RYR2: variants seen among roughly 807,000 people sequenced by gnomAD.
RYR2 encodes cardiac muscle ryanodine receptor-calcium release channel.
In RYR2, 227 loss-of-function variants were observed where a neutral mutation model predicts 601.1. The observed-to-expected ratio is 0.38, with a 90% CI of 0.34 to 0.42. The LOEUF (loss-of-function observed/expected upper bound fraction) is 0.42, where lower values mean the gene tolerates loss of function less well. RYR2 is among the 10% of genes least tolerant of loss of function. RYR2 has a pLI of 1.00. For missense variants in RYR2, 4,646 were observed against 6,156.5 expected (o/e 0.75, Z 8.21); for synonymous variants, 2,223 against 2,175.1 (o/e 1.02, Z -0.61).
intron 1 of RYR2, among the ~76,000 whole-genome samples, chr1:237,188,732 AT>A (rs1282925048): frequency 6.6e-6 from 1 of 151,998 alleles, no homozygotes; most frequent in African/African-American, 2.4e-5. Flanking sequence ...CACTAGGCTA[AT>A]TTTTGTATTT....
intron 73 of RYR2, among the ~76,000 whole-genome samples, chr1:237,720,687 G>A (rs1490355552): frequency 6.6e-6 from 1 of 152,110 alleles, no homozygotes; most frequent in African/African-American, 2.4e-5. Context: ...GGATCCCCAG[G>A]GGACCCTAGA....
At chr1:237,783,319 T>C (rs1428610761) in intron 89 of RYR2, among the ~76,000 whole-genome samples, 2 of 151,758 alleles carry the variant, frequency 1.3e-5, no homozygotes, top group African/African-American at 4.9e-5. Flanking sequence ...TTTTCAACTC[T>C]AAAGGGCTGA....
chr1:237,654,252 T>C (rs1444413531), intron 51 of RYR2, 22 bp from the exon 52 acceptor site: 1 of 1,611,214 alleles, frequency 6.2e-7, no homozygotes, highest in East Asian at 2.2e-5. Context: ...CTCATTGCTT[T>C]TATAATTGTT....
chr1:237,831,999 C>T (rs4659503), intron 104 of RYR2, among the ~76,000 whole-genome samples: 86,298 of 151,740 alleles, frequency 0.57, 25,338 homozygotes, highest in African/African-American at 0.71. Flanking sequence ...TTGAAGGATA[C>T]GATATTTTAA....
In RYR2 at chr1:237,832,683, A is replaced by AC. The variant is rs1283538116; in HGVS notation, c.*40dup. 1.6e-6 allele frequency: 2 copies of AC among 1,234,304 alleles called. 1 individual carries two copies. Among genetic ancestry groups the AC allele is most frequent in the South Asian group, 2.5e-5 (2 of 79,356 alleles). The allele number at this position is 1,234,304 out of a possible 1,614,324, so 76.5% of individuals were successfully genotyped here. On this transcript the variant is annotated 3_prime_UTR_variant, in exon 105 of 105. Coordinates refer to ENST00000366574, the MANE Select transcript of RYR2 (RefSeq NM_001035.3). The stretch of plus-strand genomic sequence containing the variant: ...AATCACCTCTAAAAACCAAAACCCT[A>AC]CCCCTCTCTCTCCCTCTCTCAATTT...
At position 237,177,589 on chromosome 1, in the gene RYR2, A is replaced by G. The variant is rs192159086; in HGVS notation, c.49-92908A>G. ...CAACCTGCTATTTTCACTTAGCATTACATTTCTAAAATTGATCCACATTGA... is the reference window on the plus strand; with the variant it reads ...CAACCTGCTATTTTCACTTAGCATTGCATTTCTAAAATTGATCCACATTGA... On this transcript the variant is annotated intron_variant, in intron 1 of 104. Transcript: ENST00000366574. Among the ~76,000 whole-genome samples, 140 of 152,336 alleles carry G rather than the reference A, an allele frequency of 9.2e-4. 2 individuals are homozygous for G. The highest frequency in any genetic ancestry group is 5.5e-3 in the Admixed American group (84 of 15,300).
rs551060321 is a variant in RYR2 at position 237,303,388 on chromosome 1, C to A, written c.169-27490C>A. On this transcript the variant is annotated intron_variant, in intron 2 of 104. Coordinates refer to ENST00000366574, the MANE Select transcript of RYR2 (RefSeq NM_001035.3). ...AATGTCAGCTCACTGCAACCTCTGC[C>A]TCTCGGGTTCAAGTGATTCTCCTGC... 1.8e-3 allele frequency among the ~76,000 whole-genome samples: 264 copies of A among 147,570 alleles called. 1 individual carries two copies. The highest frequency in any genetic ancestry group is 6.4e-3 in the African/African-American group (249 of 38,938).
At chr1:237,416,763 C>CAGAG (rs60010171) in intron 10 of RYR2, among the ~76,000 whole-genome samples, 136 of 147,402 alleles carry the variant, frequency 9.2e-4, no homozygotes, top group Non-Finnish European at 1.7e-3. Flanking sequence ...CACACACACA[C>CAGAG]AGAGAGAGAG....
intron 2 of RYR2, among the ~76,000 whole-genome samples, chr1:237,293,979 G>A (rs903274285): frequency 1.3e-5 from 2 of 152,082 alleles, no homozygotes; most frequent in Non-Finnish European, 2.9e-5. Flanking sequence ...CAGTTGCATT[G>A]TTGCTTCCCC....
At chr1:237,640,041 A>G (rs1296744483) in intron 46 of RYR2, among the ~76,000 whole-genome samples, 1 of 152,080 alleles carries the variant, frequency 6.6e-6, no homozygotes, top group Non-Finnish European at 1.5e-5. Context: ...ACCATGCTAC[A>G]TGCTTATCAG....
chr1:237,675,975 C>A (rs1426074662), intron 60 of RYR2, among the ~76,000 whole-genome samples: 1 of 152,128 alleles, frequency 6.6e-6, no homozygotes, highest in African/African-American at 2.4e-5. Flanking sequence ...ATATAACTAA[C>A]AATTTTTAAA....
intron 2 of RYR2, among the ~76,000 whole-genome samples, chr1:237,276,018 A>T (rs1247394606): frequency 6.6e-6 from 1 of 152,254 alleles, no homozygotes; most frequent in African/African-American, 2.4e-5. Flanking sequence ...GATAATGAAC[A>T]TGTGATGTTT....
In RYR2 at chr1:237,540,913, A is replaced by G. The variant is rs3925522; in HGVS notation, c.2907-7518A>G. On this transcript the variant is annotated intron_variant, in intron 25 of 104. Coordinates refer to ENST00000366574, the MANE Select transcript of RYR2 (RefSeq NM_001035.3). ...ATATGGTTGATGCATGTGTGTGTGT[A>G]TATATATATATATATATGTATGCAC... Among the ~76,000 whole-genome samples the G allele has an allele frequency of 1.9e-3, 115 of 59,510 alleles. 1 individual carries two copies. The South Asian group carries it at 0.022, about 12-fold the overall frequency. The allele number at this position is 59,510 out of a possible 152,430, so 39.0% of individuals were successfully genotyped here.
intron 25 of RYR2, among the ~76,000 whole-genome samples, chr1:237,530,866 T>C (rs1374385182): frequency 6.6e-6 from 1 of 151,048 alleles, no homozygotes; most frequent in East Asian, 2.0e-4. Flanking sequence ...GTCAAGATCG[T>C]GCCACTGCAC....
chr1:237,061,329 ATC>A (rs1180108060), intron 1 of RYR2, among the ~76,000 whole-genome samples: 71 of 150,154 alleles, frequency 4.7e-4, no homozygotes, highest in African/African-American at 1.6e-3. Context: ...CTATCTAATC[ATC>A]TCTCTAGACA....
intron 17 of RYR2, among the ~76,000 whole-genome samples, chr1:237,479,739 G>C (rs144927685): frequency 6.6e-6 from 1 of 152,298 alleles, no homozygotes; most frequent in Non-Finnish European, 1.5e-5. Context: ...TAATGACTGC[G>C]TAGTTTTTAA....
At chr1:237,515,467 G>A (rs921148817) in intron 24 of RYR2, among the ~76,000 whole-genome samples, 1 of 152,270 alleles carries the variant, frequency 6.6e-6, no homozygotes, top group Middle Eastern at 3.4e-3. Flanking sequence ...CGTATGTGGT[G>A]AAGGATGGGA....
intron 93 of RYR2, 141 bp downstream of exon 93, chr1:237,791,656 T>G (rs1340130172): frequency 1.7e-6 from 1 of 605,364 alleles, no homozygotes; most frequent in African/African-American, 1.9e-5. Flanking sequence ...GGCACTGATA[T>G]CACTGTTATC....
intron 1 of RYR2, among the ~76,000 whole-genome samples, chr1:237,203,357 A>T (rs1681413382): frequency 6.6e-6 from 1 of 152,190 alleles, no homozygotes; most frequent in Non-Finnish European, 1.5e-5. Flanking sequence ...TTATTCTTAA[A>T]TGTTTATAAA....
Sources: allele counts gnomAD v4.1 joint callset (sites outside exome capture counted in the v4.1 genomes callset), GRCh38; gene constraint gnomAD v4.1.1; transcripts MANE v1.5; gene names NCBI Gene and HGNC (gene_info 2026-07-23, HGNC 2026-07-21).